Variants in ESYT2 observed in about 807,000 individuals in gnomAD.
The protein encoded by ESYT2 is extended synaptotagmin 2.
Under a neutral mutation model 107.2 loss-of-function variants are expected in ESYT2, and 54 were observed. The ratio of observed to expected loss-of-function variants is 0.50; its 90% CI spans 0.40 to 0.63. The LOEUF (loss-of-function observed/expected upper bound fraction) is 0.63, where lower values mean the gene tolerates loss of function less well. Among genes scored for constraint, ESYT2 ranks in the 30% least tolerant of loss-of-function variants. The probability of loss-of-function intolerance (pLI) is 0.00; values close to 1 mark genes in which losing one functional copy is unlikely to be tolerated. For missense variants in ESYT2, 1,020 were observed against 1,094.5 expected, an observed-to-expected ratio of 0.93 and a Z score of 0.96; for synonymous variants, 491 against 434.1, an observed-to-expected ratio of 1.13 and a Z score of -1.63.
At chr7:158,741,018 T>G (rs77613700) in intron 18 of ESYT2, among the ~76,000 whole-genome samples, 14,875 of 152,054 alleles carry the variant, frequency 0.098, 777 homozygotes, top group African/African-American at 0.11. Flanking sequence ...AAGAAACCCT[T>G]AACACACACC....
intron 1 of ESYT2, 124 bp from the exon 2 acceptor site, chr7:158,799,196 T>C: frequency 2.3e-6 from 2 of 852,894 alleles, no homozygotes; most frequent in South Asian, 3.3e-5. Flanking sequence ...TAAAACACTC[T>C]GCTCTAAAGC....
chr7:158,761,583 A>G (rs746211946), intron 10 of ESYT2, 39 bp from the exon 11 acceptor site: 6 of 1,560,508 alleles, frequency 3.8e-6, no homozygotes, highest in Non-Finnish European at 5.3e-6. Flanking sequence ...GAACATAGAA[A>G]CACATTTCTT....
rs1197445424 is a variant in ESYT2 at position 158,732,818 on chromosome 7, G to A, written c.*1389C>T. ...TTAATATATTTACACATAGTTTTAA[G>A]ATGTTCTCATGGCTATGGAAGCCAT... On this transcript the variant is annotated 3_prime_UTR_variant, in exon 23 of 23. Coordinates refer to ENST00000275418, the MANE Select transcript of ESYT2 (RefSeq NM_001367773.1). 1 of 152,416 alleles carries A rather than the reference G, an allele frequency of 6.6e-6. No homozygotes were observed. The highest frequency in any genetic ancestry group is 6.5e-5 in the Admixed American group (1 of 15,284). 9.4% of individuals were successfully genotyped at this position (152,416 alleles called of 1,614,324 possible).
rs78543587 is a variant in ESYT2, at chr7:158,752,791, C to G, written c.1472G>C (p.Arg491Thr). 2.0e-4 allele frequency: 267 copies of G among 1,303,890 alleles called. 3 individuals are homozygous for G. In the South Asian group the frequency reaches 2.3e-3, roughly 11 times the overall value. The allele number at this position is 1,303,890 out of a possible 1,614,324, so 80.8% of individuals were successfully genotyped here. Residue 491 changes from arginine (R) to threonine (T), a missense_variant, in exon 14 of 23, where the codon AGA becomes ACA. Arg to Thr is a moderately conservative substitution (Grantham distance 71). Transcript: ENST00000275418. ...GGGAAAACAGTTTACCTTTAAAGCTCTCTGAACTGCAGTCTTCTTCAAGAC... is the reference window on the plus strand; with the variant it reads ...GGGAAAACAGTTTACCTTTAAAGCTGTCTGAACTGCAGTCTTCTTCAAGAC... Reference protein sequence around the residue: ...PDVLKKTAVQRALKSGKKISS... With the variant: ...PDVLKKTAVQTALKSGKKISS...
In ESYT2 at chr7:158,822,182, A is replaced by G. The variant is rs115981825; in HGVS notation, c.330+6907T>C. Among the ~76,000 whole-genome samples, 1,462 of 152,340 alleles carry G rather than the reference A, an allele frequency of 9.6e-3. 29 individuals carry two copies. The highest frequency in any genetic ancestry group is 0.033 in the African/African-American group (1,392 of 41,560). On this transcript the variant is annotated intron_variant, in intron 1 of 22. Transcript: ENST00000275418. ...AAAAAAGATAATGACTTGCCAAACC[A>G]TAACAAAATGCAAGAGACGACAAAA... is the stretch of plus-strand genomic sequence containing the variant.
At chr7:158,812,562 T>A (rs960150166) in intron 1 of ESYT2, among the ~76,000 whole-genome samples, 1 of 152,176 alleles carries the variant, frequency 6.6e-6, no homozygotes, top group African/African-American at 2.4e-5. Flanking sequence ...CCTCAAAATG[T>A]TAAACATAGA....
intron 8 of ESYT2, 26 bp from the exon 9 acceptor site, chr7:158,764,879 T>C (rs1838096374): frequency 2.5e-6 from 4 of 1,609,234 alleles, no homozygotes; most frequent in Non-Finnish European, 3.4e-6. Flanking sequence ...AACTGAAGTT[T>C]AGACCCTTGG....
chr7:158,737,526 C>G (rs1837009705), intron 19 of ESYT2, among the ~76,000 whole-genome samples: 1 of 152,160 alleles, frequency 6.6e-6, no homozygotes, highest in Non-Finnish European at 1.5e-5. Context: ...AGCCAGGCCC[C>G]CACCCCACAG....
In ESYT2 at chr7:158,829,140, G is replaced by C. The variant is rs778677319; in HGVS notation, c.279C>G (p.Asp93Glu). ...CCCCCAGGCGCACGACGCGCTCCTCGTCTTCCAGCAGCGCCAGCGCGCGGC... is the reference window on the plus strand; with the variant it reads ...CCCCCAGGCGCACGACGCGCTCCTCCTCTTCCAGCAGCGCCAGCGCGCGGC... ...RLCRALALLEDEERVVRLGVR... is the reference protein window; with the variant it reads ...RLCRALALLEEEERVVRLGVR... Residue 93 changes from aspartate to glutamate, a missense_variant, in exon 1 of 23, where the codon GAC (aspartate) becomes GAG (glutamate). Coordinates refer to ENST00000275418, the MANE Select transcript of ESYT2 (RefSeq NM_001367773.1). The C allele has an allele frequency of 1.3e-6, 2 of 1,569,010 alleles. No homozygotes were observed. Among genetic ancestry groups the C allele is most frequent in the South Asian group, 1.1e-5 (1 of 87,932 alleles).
chr7:158,768,709 C>G (rs925444823), intron 7 of ESYT2, among the ~76,000 whole-genome samples: 1 of 152,218 alleles, frequency 6.6e-6, no homozygotes, highest in Non-Finnish European at 1.5e-5. Flanking sequence ...TAAGCCACCA[C>G]GCCTGGTCAA....
At chr7:158,769,023 T>C (rs1318172186) in intron 7 of ESYT2, among the ~76,000 whole-genome samples, 1 of 152,206 alleles carries the variant, frequency 6.6e-6, no homozygotes, top group Admixed American at 6.5e-5. Context: ...CGAAAGTACT[T>C]TGCTTCTCGC....
At chr7:158,775,266 G>A (rs1021761863) in intron 6 of ESYT2, among the ~76,000 whole-genome samples, 2 of 152,192 alleles carry the variant, frequency 1.3e-5, no homozygotes. Flanking sequence ...TTTTGCCTCA[G>A]TGCTGATGGT....
In ESYT2 at chr7:158,733,849, A is replaced by C. The variant is rs141053034; in HGVS notation, c.*358T>G. ...TAAACCAGCATGTAAAGATTATAAAAAATAGTCTATTTACATGGCATAGTA... is the reference window on the plus strand; with the variant it reads ...TAAACCAGCATGTAAAGATTATAAACAATAGTCTATTTACATGGCATAGTA... On this transcript the variant is annotated 3_prime_UTR_variant, in exon 23 of 23. Transcript: ENST00000275418. 5.6e-3 allele frequency: 931 copies of C among 167,172 alleles called. 8 individuals carry two copies. Among genetic ancestry groups the C allele is most frequent in the African/African-American group, 0.021 (882 of 42,072 alleles). 10.4% of individuals were successfully genotyped at this position (167,172 alleles called of 1,614,324 possible).
chr7:158,756,269 T>C (rs928072515), intron 13 of ESYT2, among the ~76,000 whole-genome samples: 7 of 152,196 alleles, frequency 4.6e-5, no homozygotes, highest in Non-Finnish European at 1.0e-4. Flanking sequence ...TGTGGCCCCC[T>C]GTGGCCCTGA....
intron 1 of ESYT2, among the ~76,000 whole-genome samples, chr7:158,800,321 A>G (rs567380510): frequency 6.6e-6 from 1 of 152,286 alleles, no homozygotes; most frequent in South Asian, 2.1e-4. Context: ...TGCTGAGATT[A>G]TAGGTGTGAG....
chr7:158,802,093 G>C (rs9690900), intron 1 of ESYT2, among the ~76,000 whole-genome samples: 21,232 of 152,100 alleles, frequency 0.14, 2,454 homozygotes, highest in East Asian at 0.55. Context: ...GACATAACTG[G>C]TCAAAATTTT....
In ESYT2 at chr7:158,814,261, G is replaced by A. The variant is rs371702737; in HGVS notation, c.330+14828C>T. The stretch of plus-strand genomic sequence containing the variant: ...TGCACTCCAGCCTGGGCGACAGAGC[G>A]AGACTCCGTCTCAAAAAAAAAAAAA... On this transcript the variant is annotated intron_variant, in intron 1 of 22. Transcript: ENST00000275418. 1.1e-4 allele frequency among the ~76,000 whole-genome samples: 15 copies of A among 137,934 alleles called. No homozygotes were observed. The East Asian group carries it at 2.6e-3, about 24-fold the overall frequency. 90.5% of individuals were successfully genotyped at this position (137,934 alleles called of 152,430 possible). A position where few individuals can be genotyped will look rare whatever the true frequency, so the allele number is the denominator to read the frequency against.
intron 16 of ESYT2, chr7:158,744,027 T>A (rs1304429392): frequency 5.0e-6 from 1 of 200,976 alleles, no homozygotes; most frequent in African/African-American, 2.4e-5. Context: ...TGAGCTGATA[T>A]CGCGCCACTG....
At chr7:158,766,368 C>T (rs1191654960) in intron 8 of ESYT2, among the ~76,000 whole-genome samples, 1 of 152,196 alleles carries the variant, frequency 6.6e-6, no homozygotes, top group Non-Finnish European at 1.5e-5. Context: ...CAGATCCAGG[C>T]TCAGGTGCTC....
Sources: allele counts gnomAD v4.1 joint callset (sites outside exome capture counted in the v4.1 genomes callset), GRCh38; gene constraint gnomAD v4.1.1; transcripts MANE v1.5; gene names NCBI Gene and HGNC (gene_info 2026-07-23, HGNC 2026-07-21).